CIRSR: variants seen among roughly 807,000 people sequenced by gnomAD.
The protein encoded by CIRSR is corepressor of RBPJ and splicing regulator.
At chr2:174,372,454 C>A in the CIRSR span, among the ~76,000 whole-genome samples, 1 of 152,162 alleles carries the variant, frequency 6.6e-6, no homozygotes, top group South Asian at 2.1e-4. Context: ...TGTTTCATAA[C>A]CTGCTTTTCT....
the CIRSR span, among the ~76,000 whole-genome samples, chr2:174,360,667 T>C: frequency 6.6e-6 from 1 of 152,192 alleles, no homozygotes; most frequent in Non-Finnish European, 1.5e-5. Context: ...TTTGAGATTA[T>C]GGGAGGTGTA....
the CIRSR span, chr2:174,349,106 GCTCTT>G: frequency 6.6e-7 from 1 of 1,516,598 alleles, no homozygotes; most frequent in Non-Finnish European, 8.8e-7. Context: ...GTTTACTTCT[GCTCTT>G]CTGAAACTTT....
chr2:174,348,724 C>T, the CIRSR span: 1 of 1,614,186 alleles, frequency 6.2e-7, no homozygotes. Flanking sequence ...CTGCTGCTCC[C>T]CTCCTTTCTT....
the CIRSR span, chr2:174,348,324 T>C: frequency 9.2e-6 from 9 of 981,690 alleles, no homozygotes; most frequent in South Asian, 1.1e-4. Flanking sequence ...ATAGTACTCA[T>C]GTAGTTTTGT....
chr2:174,382,549 G>A, the CIRSR span, among the ~76,000 whole-genome samples: 2 of 152,280 alleles, frequency 1.3e-5, no homozygotes, highest in African/African-American at 4.8e-5. Context: ...TGAGGCAGGA[G>A]AATCACTTGA....
chr2:174,367,355 G>A, the CIRSR span, among the ~76,000 whole-genome samples: 43 of 152,156 alleles, frequency 2.8e-4, no homozygotes, highest in South Asian at 7.3e-3. Context: ...CGAGGCAGAC[G>A]GATCACGAGG....
chr2:174,380,443 T>C, the CIRSR span, among the ~76,000 whole-genome samples: 487 of 152,254 alleles, frequency 3.2e-3, 5 homozygotes, highest in African/African-American at 0.011. Context: ...GTCTGATAAT[T>C]TGTGATATTA....
At chr2:174,375,831 T>A in the CIRSR span, among the ~76,000 whole-genome samples, 1 of 152,216 alleles carries the variant, frequency 6.6e-6, no homozygotes, top group African/African-American at 2.4e-5. Context: ...CCTTTATGTT[T>A]GCGTGTTCAT....
the CIRSR span, among the ~76,000 whole-genome samples, chr2:174,370,910 CA>C: frequency 0.17 from 21,642 of 128,464 alleles, 1,480 homozygotes; most frequent in Non-Finnish European, 0.18. Context: ...GACTCCGTCT[CA>C]AAAAAAAAAA....
the CIRSR span, chr2:174,380,563 AATG>A: frequency 8.1e-7 from 1 of 1,229,822 alleles, no homozygotes. Context: ...TGCCTCCTCT[AATG>A]ATTGAAAAAG....
chr2:174,380,570 G>GA, the CIRSR span: 5 of 1,329,024 alleles, frequency 3.8e-6, no homozygotes, highest in Non-Finnish European at 5.3e-6. Flanking sequence ...TCTAATGATT[G>GA]AAAAAGCAAC....
At chr2:174,369,860 TCAC>T in the CIRSR span, 1 of 1,123,284 alleles carries the variant, frequency 8.9e-7, no homozygotes, top group Admixed American at 2.6e-5. Context: ...TGAGCACAGA[TCAC>T]CATAATGATA....
At chr2:174,351,802 T>A in the CIRSR span, 1 of 1,032,772 alleles carries the variant, frequency 9.7e-7, no homozygotes, top group Non-Finnish European at 1.4e-6. Context: ...AGGAATGCAG[T>A]TGAAGCTTTG....
the CIRSR span, chr2:174,350,755 C>A: frequency 6.4e-7 from 1 of 1,574,112 alleles, no homozygotes. Context: ...CCTGAGTCAA[C>A]AAAGATATCA....
At chr2:174,387,696 T>A in the CIRSR span, 1 of 1,583,586 alleles carries the variant, frequency 6.3e-7, no homozygotes, top group Admixed American at 1.8e-5. Context: ...TATTATCATA[T>A]GATTCTTGTT....
the CIRSR span, among the ~76,000 whole-genome samples, chr2:174,385,600 C>T: frequency 6.6e-6 from 1 of 151,716 alleles, no homozygotes; most frequent in South Asian, 2.1e-4. Flanking sequence ...CGAGTCTGAC[C>T]ACCTTGTGGG....
chr2:174,383,849 CAAAA>C, the CIRSR span, among the ~76,000 whole-genome samples: 6 of 121,468 alleles, frequency 4.9e-5, no homozygotes, highest in African/African-American at 9.7e-5. Context: ...AGCTATCTTC[CAAAA>C]AAAAAAAAAA....
At chr2:174,351,963 C>A in the CIRSR span, 1 of 337,194 alleles carries the variant, frequency 3.0e-6, no homozygotes, top group Non-Finnish European at 5.3e-6. Flanking sequence ...GTAACTTTGT[C>A]ATATTGAAAA....
chr2:174,374,153 A>G, the CIRSR span, among the ~76,000 whole-genome samples: 1 of 152,224 alleles, frequency 6.6e-6, no homozygotes, highest in Non-Finnish European at 1.5e-5. Context: ...TTTGAGAGCC[A>G]TTTAAATCTG....
Sources: allele counts gnomAD v4.1 joint callset (sites outside exome capture counted in the v4.1 genomes callset), GRCh38; gene constraint gnomAD v4.1.1; transcripts MANE v1.5; gene names NCBI Gene and HGNC (gene_info 2026-07-23, HGNC 2026-07-21).